SNX9: variants seen among roughly 807,000 people sequenced by gnomAD.
SNX9 encodes the protein sorting nexin-9.
SNX9 carries 44 observed loss-of-function variants against 89.4 expected under a neutral mutation model. The observed-to-expected ratio is 0.49, with a 90% CI of 0.39 to 0.63. The LOEUF (loss-of-function observed/expected upper bound fraction) is 0.63, where lower values mean the gene tolerates loss of function less well. Among genes scored for constraint, SNX9 ranks in the 30% least tolerant of loss-of-function variants. SNX9 has a pLI of 0.00. For synonymous variants in SNX9, 236 were observed against 247.8 expected (o/e 0.95, Z 0.45); for missense variants, 578 against 736.1 (o/e 0.79, Z 2.49).
rs1783108433 is a variant in SNX9 at position 157,901,995 on chromosome 6, G to A, written c.570G>A (p.Gln190=). ...AGTCAGCTGATGCAGGCGGCGCTCAGCGAGGAAACAGTCGTGCTAGTTCCT... is the reference window on the plus strand; with the variant it reads ...AGTCAGCTGATGCAGGCGGCGCTCAACGAGGAAACAGTCGTGCTAGTTCCT... The part of the protein sequence containing the change: ...DSESADAGGA[Q]RGNSRASSSS... Residue 190 remains glutamine (Q), a synonymous_variant, in exon 6 of 18, where the codon CAG becomes CAA. Transcript: ENST00000392185. 6.2e-7 allele frequency: 1 copy of A among 1,613,814 alleles called. No individual in the cohort carries two copies. The highest frequency in any genetic ancestry group is 8.5e-7 in the Non-Finnish European group (1 of 1,179,902).
chr6:157,855,517 T>G (rs908065305), intron 1 of SNX9, among the ~76,000 whole-genome samples: 2 of 152,268 alleles, frequency 1.3e-5, no homozygotes, highest in African/African-American at 4.8e-5. Context: ...CCTTATGCCC[T>G]TACCAGCATG....
rs200994695 is a variant in SNX9, at chr6:157,937,563, T to C, written c.1533+40T>C. 13 of 1,411,166 alleles carry C rather than the reference T, an allele frequency of 9.2e-6. No individual in the cohort carries two copies. The East Asian group carries it at 3.0e-4, about 32-fold the overall frequency. 87.4% of individuals were successfully genotyped at this position (1,411,166 alleles called of 1,614,324 possible). Reference sequence around the variant, plus strand: ...GACATTTATAGAAGACAACAGCAGGTGAAGGAGGCAGATGTGCGCAGTAGT... The same window carrying C: ...GACATTTATAGAAGACAACAGCAGGCGAAGGAGGCAGATGTGCGCAGTAGT... On this transcript the variant is annotated intron_variant, in intron 15 of 17. Coordinates refer to ENST00000392185, the MANE Select transcript of SNX9 (RefSeq NM_016224.5).
chr6:157,919,259 T>C (rs908197520), intron 9 of SNX9, among the ~76,000 whole-genome samples: 2 of 152,228 alleles, frequency 1.3e-5, no homozygotes, highest in East Asian at 3.8e-4. Context: ...ATGCTGTTTA[T>C]CTCACGTGCC....
At position 157,873,105 on chromosome 6, in the gene SNX9, G is replaced by A; in HGVS notation, c.103G>A (p.Val35Ile). The A allele has an allele frequency of 2.5e-6, 4 of 1,570,196 alleles. No individual in the cohort carries two copies. The highest frequency in any genetic ancestry group is 3.5e-6 in the Non-Finnish European group (4 of 1,154,782). ...GEIITITNPD[V>I]GGGWLEGRNI... is the part of the protein sequence containing the mutation. Reference sequence around the variant, plus strand: ...TTTTTTTTTGGTGACTTATTAGGATGTAGGTGGAGGATGGCTGGAAGGAAG... The same window carrying A: ...TTTTTTTTTGGTGACTTATTAGGATATAGGTGGAGGATGGCTGGAAGGAAG... Residue 35 changes from valine to isoleucine, a missense_variant, in exon 3 of 18, where the codon GTA (valine) becomes ATA (isoleucine). This residue lies in a region of SNX9 where 230 missense variants were observed against 244.7 expected (regional missense o/e 0.94). Coordinates refer to ENST00000392185, the MANE Select transcript of SNX9 (RefSeq NM_016224.5).
intron 1 of SNX9, among the ~76,000 whole-genome samples, chr6:157,826,732 A>C (rs1381113354): frequency 7.4e-6 from 1 of 134,504 alleles, no homozygotes; most frequent in Non-Finnish European, 1.5e-5. Flanking sequence ...CAGCCAAAAT[A>C]TAACCTATTT....
intron 1 of SNX9, among the ~76,000 whole-genome samples, chr6:157,836,693 C>T (rs1781589854): frequency 6.6e-6 from 1 of 152,052 alleles, no homozygotes; most frequent in Non-Finnish European, 1.5e-5. Flanking sequence ...CAGGTTCACG[C>T]CATTTTCCTG....
chr6:157,875,270 C>T (rs1782496675), intron 4 of SNX9, 94 bp downstream of exon 4: 3 of 1,434,038 alleles, frequency 2.1e-6, no homozygotes, highest in South Asian at 3.3e-5. Flanking sequence ...TATTGCCATT[C>T]CCCAAAAGCA....
chr6:157,832,372 G>C (rs373007651), intron 1 of SNX9, among the ~76,000 whole-genome samples: 3 of 152,154 alleles, frequency 2.0e-5, no homozygotes, highest in African/African-American at 7.2e-5. Flanking sequence ...AGTATGAAAG[G>C]CCTGTCCTTG....
At chr6:157,935,320 C>T (rs185719470) in intron 13 of SNX9, among the ~76,000 whole-genome samples, 180 of 152,262 alleles carry the variant, frequency 1.2e-3, no homozygotes, top group African/African-American at 3.3e-3. Context: ...TTCTAGGTAA[C>T]GATCATTTTC....
At chr6:157,940,175 G>C (rs1784008652) in intron 16 of SNX9, among the ~76,000 whole-genome samples, 1 of 152,190 alleles carries the variant, frequency 6.6e-6, no homozygotes, top group African/African-American at 2.4e-5. Context: ...TGAAGCAATT[G>C]CTGTGCAGGA....
At chr6:157,937,378 T>G in intron 14 of SNX9, 56 bp from the exon 15 acceptor site, 1 of 1,257,366 alleles carries the variant, frequency 8.0e-7, no homozygotes, top group Non-Finnish European at 1.2e-6. Context: ...TAGTTCTCTT[T>G]TCCTTGATTT....
chr6:157,856,767 T>C (rs1782021240), intron 1 of SNX9, among the ~76,000 whole-genome samples: 1 of 152,210 alleles, frequency 6.6e-6, no homozygotes, highest in Admixed American at 6.5e-5. Context: ...AATATATTCT[T>C]TTGTATTTCT....
chr6:157,904,515 T>C (rs371970032), intron 6 of SNX9, among the ~76,000 whole-genome samples: 1 of 151,962 alleles, frequency 6.6e-6, no homozygotes, highest in East Asian at 1.9e-4. Flanking sequence ...TCCATAACAG[T>C]GCCCAAAAAT....
chr6:157,908,902 T>C (rs1783275827), intron 7 of SNX9, among the ~76,000 whole-genome samples: 1 of 152,206 alleles, frequency 6.6e-6, no homozygotes. Context: ...GAGAAAAGAA[T>C]GGAGGCCTAC....
intron 9 of SNX9, among the ~76,000 whole-genome samples, chr6:157,914,716 G>C (rs911240753): frequency 1.3e-5 from 2 of 151,964 alleles, no homozygotes; most frequent in East Asian, 3.9e-4. Context: ...GAGCTCAAGC[G>C]GTCCACCCAC....
intron 4 of SNX9, among the ~76,000 whole-genome samples, chr6:157,882,233 A>G (rs1295266647): frequency 6.6e-6 from 1 of 152,238 alleles, no homozygotes; most frequent in Non-Finnish European, 1.5e-5. Flanking sequence ...GGATGACAGC[A>G]CATCTGTTTG....
intron 1 of SNX9, among the ~76,000 whole-genome samples, chr6:157,828,581 C>T (rs981094818): frequency 6.6e-6 from 1 of 152,174 alleles, no homozygotes; most frequent in African/African-American, 2.4e-5. Flanking sequence ...GCAGTCTCGA[C>T]TTCCCTGGCT....
chr6:157,885,265 AGATT>A (rs2115151303), intron 4 of SNX9: 1 of 152,310 alleles, frequency 6.6e-6, no homozygotes, highest in East Asian at 1.9e-4. Context: ...GGCTATAAAT[AGATT>A]GAGTCTGCTG....
intron 4 of SNX9, among the ~76,000 whole-genome samples, chr6:157,876,879 CA>C (rs1004620390): frequency 6.6e-6 from 1 of 152,228 alleles, no homozygotes; most frequent in African/African-American, 2.4e-5. Flanking sequence ...TCAGTTGTGA[CA>C]ACCAAAAATG....
Sources: gnomAD v4.1 joint callset for allele counts (sites outside exome capture counted in the v4.1 genomes callset) on GRCh38, gnomAD v4.1.1 for gene constraint, gnomAD v4.1.1 regional missense constraint, MANE v1.5 for transcripts, NCBI Gene and HGNC (gene_info 2026-07-23, HGNC 2026-07-21) for gene names.